Variants in RYR2 observed in about 807,000 individuals in gnomAD.
RYR2 encodes the protein ryanodine receptor 2, also known as cardiac muscle ryanodine receptor-calcium release channel.
In RYR2, 227 loss-of-function variants were observed where a neutral mutation model predicts 601.1. The observed-to-expected ratio is 0.38, with a 90% CI of 0.34 to 0.42. The LOEUF (loss-of-function observed/expected upper bound fraction) is 0.42, where lower values mean the gene tolerates loss of function less well. Among genes scored for constraint, RYR2 ranks in the 10% least tolerant of loss-of-function variants. RYR2 has a pLI of 1.00. For missense variants in RYR2, 4,646 were observed against 6,156.5 expected (o/e 0.75, Z 8.21); for synonymous variants, 2,223 against 2,175.1 (o/e 1.02, Z -0.61).
chr1:237,817,190 G>A (rs1257428797), intron 100 of RYR2, among the ~76,000 whole-genome samples: 4 of 152,064 alleles, frequency 2.6e-5, no homozygotes, highest in East Asian at 1.9e-4. Context: ...CTGATAAAAC[G>A]TTTCCAAATG....
intron 10 of RYR2, among the ~76,000 whole-genome samples, chr1:237,401,644 T>G (rs1703357791): frequency 6.6e-6 from 1 of 152,220 alleles, no homozygotes; most frequent in Non-Finnish European, 1.5e-5. Flanking sequence ...GGATGCTTCC[T>G]TGAGCTTCAG....
intron 48 of RYR2, among the ~76,000 whole-genome samples, chr1:237,646,303 T>G (rs1682149126): frequency 6.6e-6 from 1 of 151,786 alleles, no homozygotes; most frequent in Non-Finnish European, 1.5e-5. Context: ...GCCGTGCCAC[T>G]GCACTCCAGC....
chr1:237,418,647 G>C (rs554763221), intron 11 of RYR2, among the ~76,000 whole-genome samples: 1 of 152,002 alleles, frequency 6.6e-6, no homozygotes, highest in Admixed American at 6.6e-5. Context: ...TTTGTTTATT[G>C]AAAATGGTCT....
intron 1 of RYR2, among the ~76,000 whole-genome samples, chr1:237,166,941 T>G (rs1450778987): frequency 6.6e-6 from 1 of 152,228 alleles, no homozygotes; most frequent in Admixed American, 6.5e-5. Context: ...GAGATGAAGT[T>G]AAATGCTTTT....
At chr1:237,252,852 A>G (rs1687592689) in intron 1 of RYR2, among the ~76,000 whole-genome samples, 1 of 152,148 alleles carries the variant, frequency 6.6e-6, no homozygotes, top group Admixed American at 6.5e-5. Flanking sequence ...CTTAATCCAT[A>G]TTCTTTATTT....
chr1:237,695,326 C>T (rs993259042), intron 63 of RYR2, among the ~76,000 whole-genome samples: 1 of 152,114 alleles, frequency 6.6e-6, no homozygotes, highest in African/African-American at 2.4e-5. Flanking sequence ...TTACGTACAC[C>T]TTGATGCACT....
chr1:237,804,770 A>G (rs1242932250), intron 98 of RYR2, among the ~76,000 whole-genome samples: 1 of 152,248 alleles, frequency 6.6e-6, no homozygotes, highest in African/African-American at 2.4e-5. Context: ...CTTGGTTAAT[A>G]AAACACTTCA....
chr1:237,112,144 T>G (rs1379293734), intron 1 of RYR2, among the ~76,000 whole-genome samples: 1 of 152,194 alleles, frequency 6.6e-6, no homozygotes, highest in Non-Finnish European at 1.5e-5. Context: ...GATGGAGTTT[T>G]GCTTTTGTTG....
intron 1 of RYR2, among the ~76,000 whole-genome samples, chr1:237,153,171 T>G (rs371250323): frequency 6.6e-6 from 1 of 152,132 alleles, no homozygotes; most frequent in African/African-American, 2.4e-5. Context: ...AAAGAGTAGA[T>G]GTATGTGATG....
At chr1:237,258,195 G>GA (rs1444489812) in intron 1 of RYR2, among the ~76,000 whole-genome samples, 1 of 149,456 alleles carries the variant, frequency 6.7e-6, no homozygotes, top group Admixed American at 6.7e-5. Flanking sequence ...GAAAGAAAAA[G>GA]AAAAAAAGAA....
At position 237,436,454 on chromosome 1, in the gene RYR2, C is replaced by CTTTTTTTTTTTTTTTTTTT. The variant is rs551140501; in HGVS notation, c.1006-4859_1006-4841dup. ...AGCCGAGGGATAATGTGTGATTTTCCTTTTTTTTTTTTTTTTTTTTTTTTG... is the reference window on the plus strand; with the variant it reads ...AGCCGAGGGATAATGTGTGATTTTCCTTTTTTTTTTTTTTTTTTTTTTTTTTTTTTTTTTTTTTTTTTTG... On this transcript the variant is annotated intron_variant, in intron 12 of 104. Coordinates refer to ENST00000366574, the MANE Select transcript of RYR2 (RefSeq NM_001035.3). Among the ~76,000 whole-genome samples, 212 of 48,708 alleles carry CTTTTTTTTTTTTTTTTTTT rather than the reference C, an allele frequency of 4.4e-3. 12 individuals carry two copies. The highest frequency in any genetic ancestry group is 7.6e-3 in the African/African-American group (77 of 10,156). The allele number at this position is 48,708 out of a possible 152,430, so 32.0% of individuals were successfully genotyped here.
chr1:237,274,016 CATAT>C (rs1348699882), intron 2 of RYR2, among the ~76,000 whole-genome samples: 1 of 143,288 alleles, frequency 7.0e-6, no homozygotes, highest in African/African-American at 2.6e-5. Context: ...TTAAGAAATA[CATAT>C]ATATTTTATA....
intron 10 of RYR2, among the ~76,000 whole-genome samples, chr1:237,395,844 C>T: frequency 6.6e-6 from 1 of 152,134 alleles, no homozygotes; most frequent in East Asian, 1.9e-4. Flanking sequence ...CCACGCCCAG[C>T]CAGGACTATC....
chr1:237,766,505 A>G (rs1303353828), intron 84 of RYR2, among the ~76,000 whole-genome samples: 1 of 152,200 alleles, frequency 6.6e-6, no homozygotes, highest in Non-Finnish European at 1.5e-5. Flanking sequence ...AAAGAAATCC[A>G]TCTGTTTACC....
intron 38 of RYR2, among the ~76,000 whole-genome samples, 183 bp from the exon 39 acceptor site, chr1:237,623,582 T>C (rs961140746): frequency 1.3e-4 from 20 of 151,640 alleles, no homozygotes; most frequent in African/African-American, 3.9e-4. Context: ...TTAGTAGAGA[T>C]GGGTTTTCAC....
intron 97 of RYR2, among the ~76,000 whole-genome samples, chr1:237,799,406 C>CT (rs1264396920): frequency 1.3e-5 from 2 of 151,732 alleles, no homozygotes; most frequent in African/African-American, 4.8e-5. Context: ...ATTTGTGACT[C>CT]TAAAAAAAAG....
intron 2 of RYR2, among the ~76,000 whole-genome samples, chr1:237,319,445 A>G (rs72765924): frequency 0.011 from 1,653 of 152,228 alleles, 16 homozygotes; most frequent in Middle Eastern, 0.024. Flanking sequence ...TCTCTATTGA[A>G]GGTTATTGTT....
At chr1:237,729,299 TCAGTGAGAGCC>T (rs1690478961) in intron 76 of RYR2, among the ~76,000 whole-genome samples, 1 of 152,188 alleles carries the variant, frequency 6.6e-6, no homozygotes, top group Non-Finnish European at 1.5e-5. Context: ...AATTAGAATT[TCAGTGAGAGCC>T]CAGCATGTGT....
chr1:237,195,695 G>C (rs1403653641), intron 1 of RYR2, among the ~76,000 whole-genome samples: 1 of 152,188 alleles, frequency 6.6e-6, no homozygotes, highest in Non-Finnish European at 1.5e-5. Flanking sequence ...AATTGGCATA[G>C]GCTCTAGTCT....
Sources: allele counts gnomAD v4.1 joint callset (sites outside exome capture counted in the v4.1 genomes callset), GRCh38; gene constraint gnomAD v4.1.1; transcripts MANE v1.5; gene names NCBI Gene and HGNC (gene_info 2026-07-23, HGNC 2026-07-21).